Variants in FER1L6 observed in about 807,000 individuals in gnomAD.
FER1L6 encodes the protein fer-1 like family member 6, also known as fer-1-like protein 6.
A neutral mutation model predicts 219.2 loss-of-function variants in FER1L6; 177 were observed. The ratio of observed to expected loss-of-function variants is 0.81; its 90% CI spans 0.71 to 0.91. The LOEUF (loss-of-function observed/expected upper bound fraction) is 0.91. Among genes scored for constraint, FER1L6 ranks in the 40% least tolerant of loss-of-function variants. The pLI, the probability that FER1L6 is intolerant of heterozygous loss-of-function variation, is 0.00. For missense variants in FER1L6, 2,153 were observed against 2,259.9 expected (o/e 0.95, Z 0.96); for synonymous variants, 768 against 824.3 (o/e 0.93, Z 1.17).
chr8:124,078,202 T>C (rs985566810), intron 32 of FER1L6, among the ~76,000 whole-genome samples: 2 of 152,022 alleles, frequency 1.3e-5, no homozygotes, highest in Non-Finnish European at 2.9e-5. Flanking sequence ...GATGGATGGA[T>C]GGGTGGGTGG....
intron 18 of FER1L6, among the ~76,000 whole-genome samples, chr8:124,029,300 T>G (rs1468001944): frequency 6.6e-6 from 1 of 152,204 alleles, no homozygotes; most frequent in Non-Finnish European, 1.5e-5. Context: ...TAGAGAGTAG[T>G]GGGATTGCTG....
intron 1 of FER1L6, among the ~76,000 whole-genome samples, chr8:123,907,352 C>T (rs374789333): frequency 4.6e-5 from 7 of 152,120 alleles, no homozygotes; most frequent in South Asian, 4.1e-4. Context: ...ACAGATCACA[C>T]GGTCATAGCT....
chr8:124,081,599 A>G (rs965154716), intron 32 of FER1L6, among the ~76,000 whole-genome samples: 1 of 142,556 alleles, frequency 7.0e-6, no homozygotes, highest in Non-Finnish European at 1.5e-5. Flanking sequence ...CCAGCAATGC[A>G]GAGACCAAAA....
rs577067995 is a variant in FER1L6 at position 124,054,871 on chromosome 8, A to C, written c.2874+5115A>C. On this transcript the variant is annotated intron_variant, in intron 22 of 40. Coordinates refer to ENST00000522917, the MANE Select transcript of FER1L6 (RefSeq NM_001039112.2). ...GAAACCAAGAGAGGACTCTCGGCAC[A>C]ATGACTTAATGTTGCAACGCGAAGA... 8.3e-4 allele frequency among the ~76,000 whole-genome samples: 127 copies of C among 152,272 alleles called. 1 individual carries two copies. The highest frequency in any genetic ancestry group is 3.0e-3 in the African/African-American group (124 of 41,550).
At chr8:124,061,456 G>A (rs1820569745) in intron 24 of FER1L6, among the ~76,000 whole-genome samples, 1 of 151,954 alleles carries the variant, frequency 6.6e-6, no homozygotes, top group African/African-American at 2.4e-5. Flanking sequence ...CAGGTGGCTG[G>A]GGCACTGTCC....
chr8:123,935,028 G>A (rs1233709905), intron 1 of FER1L6, among the ~76,000 whole-genome samples: 1 of 152,094 alleles, frequency 6.6e-6, no homozygotes, highest in Non-Finnish European at 1.5e-5. Context: ...TTTATAAATT[G>A]CGCAGTCTCA....
chr8:123,903,208 CA>C (rs1296544922), intron 1 of FER1L6, among the ~76,000 whole-genome samples: 2 of 152,126 alleles, frequency 1.3e-5, no homozygotes, highest in African/African-American at 2.4e-5. Context: ...AACTTTGCTA[CA>C]AAATATCTTG....
At position 124,119,776 on chromosome 8, in the gene FER1L6, G is replaced by T; in HGVS notation, c.5560G>T (p.Val1854Phe). The T allele has an allele frequency of 6.2e-7, 1 of 1,613,800 alleles. No individual in the cohort carries two copies. The highest frequency in any genetic ancestry group is 8.5e-7 in the Non-Finnish European group (1 of 1,179,892). ...GCCAGGAGCCATCAGCCGAAGGATCGTTGTGGGCTCATAGAGGATCATGGA... is the reference window on the plus strand; with the variant it reads ...GCCAGGAGCCATCAGCCGAAGGATCTTTGTGGGCTCATAGAGGATCATGGA... ...TLPGAISRRIVVGS is the reference protein window; with the variant it reads ...TLPGAISRRIFVGS Residue 1854 changes from valine (V) to phenylalanine (F), a missense_variant, in exon 41 of 41, where the codon GTT (valine) becomes TTT (phenylalanine). By Grantham distance (50) the Val-to-Phe change is conservative (BLOSUM62 -1). Transcript: ENST00000522917.
chr8:123,931,269 G>C (rs1813750930), intron 1 of FER1L6, among the ~76,000 whole-genome samples: 1 of 152,168 alleles, frequency 6.6e-6, no homozygotes. Context: ...CGATGGATGA[G>C]TTTTACCCCA....
At chr8:123,878,397 T>C (rs1027439273) in intron 1 of FER1L6, among the ~76,000 whole-genome samples, 2 of 152,178 alleles carry the variant, frequency 1.3e-5, no homozygotes, top group African/African-American at 2.4e-5. Flanking sequence ...TATTGGGCAA[T>C]TGATTAACAC....
chr8:124,110,079 T>C (rs1822956334), intron 39 of FER1L6, among the ~76,000 whole-genome samples: 1 of 152,150 alleles, frequency 6.6e-6, no homozygotes, highest in Non-Finnish European at 1.5e-5. Context: ...GCTTCCAGTT[T>C]CCCCACACGA....
chr8:124,065,527 T>G (rs781714967), intron 26 of FER1L6, among the ~76,000 whole-genome samples: 1 of 152,108 alleles, frequency 6.6e-6, no homozygotes, highest in African/African-American at 2.4e-5. Context: ...CTGCTCTCAT[T>G]TCATCCATGG....
At chr8:123,946,451 G>A (rs940959244) in intron 1 of FER1L6, among the ~76,000 whole-genome samples, 1 of 151,978 alleles carries the variant, frequency 6.6e-6, no homozygotes, top group Non-Finnish European at 1.5e-5. Context: ...ACAGGGTTTT[G>A]CCATGTTGGC....
At chr8:123,918,735 C>G (rs1189587012) in intron 1 of FER1L6, among the ~76,000 whole-genome samples, 1 of 152,074 alleles carries the variant, frequency 6.6e-6, no homozygotes, top group Non-Finnish European at 1.5e-5. Context: ...ATGTTGGAAT[C>G]AGTTTCAGCA....
chr8:124,108,530 C>G (rs765735325), intron 39 of FER1L6, among the ~76,000 whole-genome samples: 2 of 152,124 alleles, frequency 1.3e-5, no homozygotes, highest in African/African-American at 2.4e-5. Flanking sequence ...CTCAAAATAC[C>G]TAAATATCTT....
rs1045147052 is a variant in FER1L6 at position 123,853,059 on chromosome 8, G to A, written c.-8+874G>A. On this transcript the variant is annotated intron_variant, in intron 1 of 40. Coordinates refer to ENST00000522917, the MANE Select transcript of FER1L6 (RefSeq NM_001039112.2). This position sits in a 1 kb window ranked among gnomAD's most constrained non-coding sequence, Gnocchi z 6.6. ...GGGCCTCGCTATGTTGCTCAGGTTG[G>A]TCTCAAACTCCTGGGCTCAAGCGAT... 1.3e-5 allele frequency among the ~76,000 whole-genome samples: 2 copies of A among 152,106 alleles called. No individual in the cohort carries two copies. Among genetic ancestry groups the A allele is most frequent in the Non-Finnish European group, 2.9e-5 (2 of 68,020 alleles).
rs76578535 is a variant in FER1L6, at chr8:123,962,589, C to T, written c.77-689C>T. Among the ~76,000 whole-genome samples, 292 of 152,192 alleles carry T rather than the reference C, an allele frequency of 1.9e-3. 2 individuals carry two copies. Among genetic ancestry groups the T allele is most frequent in the Middle Eastern group, 0.014 (4 of 294 alleles). On this transcript the variant is annotated intron_variant, in intron 2 of 40. Transcript: ENST00000522917. ...TAATGAGGTATGCCTGACCTCCTGT[C>T]TCATCATTGACAAAAACCTAGGGTT...
intron 35 of FER1L6, among the ~76,000 whole-genome samples, chr8:124,096,930 T>A (rs1052141813): frequency 1.3e-5 from 2 of 152,110 alleles, no homozygotes; most frequent in African/African-American, 4.8e-5. Flanking sequence ...AATAGTAACA[T>A]CTACCTGGTG....
At chr8:124,032,618 A>G (rs1819021662) in intron 18 of FER1L6, among the ~76,000 whole-genome samples, 1 of 151,652 alleles carries the variant, frequency 6.6e-6, no homozygotes, top group Non-Finnish European at 1.5e-5. Context: ...GTGCCTGCTC[A>G]TGGTCCAAGC....
Sources: gnomAD v4.1 joint callset for allele counts (sites outside exome capture counted in the v4.1 genomes callset) on GRCh38, gnomAD v4.1.1 for gene constraint, Gnocchi (gnomAD v3.1) non-coding constraint, MANE v1.5 for transcripts, NCBI Gene and HGNC (gene_info 2026-07-23, HGNC 2026-07-21) for gene names.